The following CALN1 variants were observed in gnomAD, a reference collection of about 807,000 sequenced individuals.
CALN1 encodes the protein calneuron 1.
In CALN1, 17 loss-of-function variants were observed where a neutral mutation model predicts 30.6. The observed-to-expected ratio is 0.56, with a 90% CI of 0.38 to 0.83. The LOEUF is 0.83. Among genes scored for constraint, CALN1 ranks in the 40% least tolerant of loss-of-function variants. CALN1 has a pLI of 0.00. For missense variants in CALN1, 291 were observed against 354.9 expected (o/e 0.82, Z 1.45); for synonymous variants, 156 against 131.4 (o/e 1.19, Z -1.28).
chr7:72,398,157 T>C (rs1806103363), intron 2 of CALN1, among the ~76,000 whole-genome samples: 1 of 152,150 alleles, frequency 6.6e-6, no homozygotes, highest in Non-Finnish European at 1.5e-5. Flanking sequence ...CAGCTGATGA[T>C]TCCAATCTAG....
At chr7:72,314,972 C>T (rs992683590) in intron 2 of CALN1, among the ~76,000 whole-genome samples, 3 of 142,370 alleles carry the variant, frequency 2.1e-5, no homozygotes, top group African/African-American at 8.2e-5. Context: ...ACAGTGAGAC[C>T]CATCTCTACA....
intron 3 of CALN1, among the ~76,000 whole-genome samples, chr7:72,264,066 C>G (rs1011141133): frequency 1.3e-5 from 2 of 152,148 alleles, no homozygotes; most frequent in African/African-American, 4.8e-5. Flanking sequence ...GTCCCTCATG[C>G]TAAAAGTTCC....
At chr7:72,207,841 T>A (rs1792003970) in intron 3 of CALN1, among the ~76,000 whole-genome samples, 1 of 152,214 alleles carries the variant, frequency 6.6e-6, no homozygotes, top group African/African-American at 2.4e-5. Context: ...TTGCAATGCA[T>A]ATATATTACT....
At chr7:72,215,497 G>A (rs1236212724) in intron 3 of CALN1, among the ~76,000 whole-genome samples, 1 of 151,552 alleles carries the variant, frequency 6.6e-6, no homozygotes, top group Non-Finnish European at 1.5e-5. Flanking sequence ...TGGAGGCTAA[G>A]GCAGGAGAAT....
At chr7:72,127,268 T>C (rs1808833986) in intron 3 of CALN1, among the ~76,000 whole-genome samples, 1 of 152,190 alleles carries the variant, frequency 6.6e-6, no homozygotes. Context: ...GATGTATGCC[T>C]GATGTGTTGG....
intron 3 of CALN1, among the ~76,000 whole-genome samples, chr7:72,197,694 T>C (rs745391437): frequency 1.6e-4 from 25 of 151,742 alleles, no homozygotes; most frequent in Non-Finnish European, 2.5e-4. Flanking sequence ...AATAAACAAA[T>C]AAAGATGGAA....
intron 3 of CALN1, among the ~76,000 whole-genome samples, chr7:72,198,756 C>T (rs1164611101): frequency 1.3e-5 from 2 of 152,188 alleles, no homozygotes; most frequent in East Asian, 1.9e-4. Flanking sequence ...TCACTTTGCA[C>T]ACTATATGAT....
chr7:71,883,103 G>C (rs1792682361), intron 5 of CALN1, among the ~76,000 whole-genome samples: 1 of 150,354 alleles, frequency 6.7e-6, no homozygotes, highest in Non-Finnish European at 1.5e-5. Flanking sequence ...AATACTATGA[G>C]GATAGTGATA....
intron 4 of CALN1, among the ~76,000 whole-genome samples, chr7:72,034,400 A>T (rs1182149710): frequency 6.6e-6 from 1 of 151,452 alleles, no homozygotes; most frequent in Admixed American, 6.6e-5. Context: ...AACAACAAAG[A>T]AGTCAGGAGG....
At chr7:72,080,285 C>G (rs114472617) in intron 4 of CALN1, among the ~76,000 whole-genome samples, 3,279 of 152,232 alleles carry the variant, frequency 0.022, 108 homozygotes, top group African/African-American at 0.074. Context: ...ATCCTTTAGC[C>G]TTATCTTTGG....
chr7:72,060,300 TTC>T (rs1372781191), intron 4 of CALN1, among the ~76,000 whole-genome samples: 2 of 152,204 alleles, frequency 1.3e-5, no homozygotes, highest in African/African-American at 4.8e-5. Flanking sequence ...TGATGCCTTT[TTC>T]TCTTTCTCTT....
chr7:72,185,786 T>A (rs1312558312), intron 3 of CALN1, among the ~76,000 whole-genome samples: 1 of 152,196 alleles, frequency 6.6e-6, no homozygotes, highest in Non-Finnish European at 1.5e-5. Context: ...GGTTCTGCTT[T>A]CCCGTCTTCC....
intron 3 of CALN1, among the ~76,000 whole-genome samples, chr7:72,244,101 T>C (rs1226098475): frequency 6.6e-6 from 1 of 152,164 alleles, no homozygotes; most frequent in African/African-American, 2.4e-5. Flanking sequence ...ACCATACACA[T>C]AGAAGGTACA....
rs146157503 is a variant in CALN1 at position 71,902,165 on chromosome 7, A to C, written c.502-91673T>G. On this transcript the variant is annotated intron_variant, in intron 5 of 6. Coordinates refer to ENST00000395275, the MANE Select transcript of CALN1 (RefSeq NM_031468.4). ...TGTGAACCTGGGAGGCGGAGCTTGC[A>C]GTGAGCTGAGATGGAGCCACTGCAC... Among the ~76,000 whole-genome samples, 18 of 152,252 alleles carry C rather than the reference A, an allele frequency of 1.2e-4. No homozygotes were observed. The East Asian group carries it at 3.5e-3, about 29-fold the overall frequency.
chr7:72,081,214 A>G (rs950168447), intron 4 of CALN1, among the ~76,000 whole-genome samples: 2 of 152,188 alleles, frequency 1.3e-5, no homozygotes, highest in East Asian at 3.9e-4. Flanking sequence ...ACTGTACCAC[A>G]GAAACCAAAA....
intron 1 of CALN1, among the ~76,000 whole-genome samples, chr7:72,427,815 A>C (rs1382452127): frequency 6.6e-6 from 1 of 152,086 alleles, no homozygotes; most frequent in African/African-American, 2.4e-5. Context: ...AAAACAGATC[A>C]CATCACTGTC....
chr7:72,300,192 G>A (rs1799158229), intron 2 of CALN1, among the ~76,000 whole-genome samples: 1 of 151,994 alleles, frequency 6.6e-6, no homozygotes, highest in Non-Finnish European at 1.5e-5. Flanking sequence ...TTTTCAAGTT[G>A]TTTTTAACAT....
At chr7:71,832,300 A>T (rs1789335672) in intron 5 of CALN1, among the ~76,000 whole-genome samples, 2 of 152,180 alleles carry the variant, frequency 1.3e-5, no homozygotes, top group Non-Finnish European at 2.9e-5. Context: ...TAGGCAAGTA[A>T]TTCTTATTGA....
intron 2 of CALN1, among the ~76,000 whole-genome samples, chr7:72,331,275 A>T (rs1257072283): frequency 1.3e-5 from 2 of 152,110 alleles, no homozygotes; most frequent in Non-Finnish European, 1.5e-5. Context: ...GCTTGAACCC[A>T]GGAGGCAGAA....
Sources: allele counts gnomAD v4.1 joint callset (sites outside exome capture counted in the v4.1 genomes callset), GRCh38; gene constraint gnomAD v4.1.1; transcripts MANE v1.5; gene names NCBI Gene and HGNC (gene_info 2026-07-23, HGNC 2026-07-21).